ASAP3: variants seen among roughly 807,000 people sequenced by gnomAD.
ASAP3 encodes the protein arf-GAP with SH3 domain, ANK repeat and PH domain-containing protein 3.
ASAP3 carries 85 observed loss-of-function variants against 118.2 expected under a neutral mutation model. The observed-to-expected ratio is 0.72, with a 90% CI of 0.60 to 0.86. ASAP3 has a LOEUF of 0.86. Among genes scored for constraint, ASAP3 ranks in the 40% least tolerant of loss-of-function variants. The pLI, the probability that ASAP3 is intolerant of heterozygous loss-of-function variation, is 0.00. For synonymous variants in ASAP3, 432 were observed against 477.4 expected, an observed-to-expected ratio of 0.90 and a Z score of 1.24; for missense variants, 1,026 against 1,175.0, an observed-to-expected ratio of 0.87 and a Z score of 1.85.
In ASAP3 at chr1:23,433,424, C is replaced by T. The variant is rs764838561; in HGVS notation, c.2127+1G>A. The T allele has an allele frequency of 3.1e-6, 5 of 1,614,196 alleles. No individual in the cohort carries two copies. The highest frequency in any genetic ancestry group is 4.2e-6 in the Non-Finnish European group (5 of 1,180,040). ...GCCTGAGGGACAGGGCTGGGACCCA[C>T]CTTCTCTTCCTCATCCTCCTCACTG... On this transcript the variant is annotated splice_donor_variant, in intron 21 of 24. Coordinates refer to ENST00000336689, the MANE Select transcript of ASAP3 (RefSeq NM_017707.4). LOFTEE classifies it high-confidence loss of function.
At position 23,436,745 on chromosome 1, in the gene ASAP3, C is replaced by T; in HGVS notation, c.1477-91G>A. The T allele has an allele frequency of 6.4e-7, 1 of 1,565,546 alleles. No individual in the cohort carries two copies. Among genetic ancestry groups the T allele is most frequent in the South Asian group, 1.2e-5 (1 of 86,752 alleles). Reference sequence around the variant, plus strand: ...AGCTCCAAGCCCCCAGAGTCCCGCCCCTCGGCCGCCCTCCCGGTTCAGGCC... The same window carrying T: ...AGCTCCAAGCCCCCAGAGTCCCGCCTCTCGGCCGCCCTCCCGGTTCAGGCC... On this transcript the variant is annotated intron_variant, in intron 15 of 24. Coordinates refer to ENST00000336689, the MANE Select transcript of ASAP3 (RefSeq NM_017707.4). The surrounding 1 kb of genome is among the most constrained non-coding windows in gnomAD (Gnocchi z 4.2).
chr1:23,470,109 A>C (rs1178017996), intron 1 of ASAP3, among the ~76,000 whole-genome samples: 1 of 152,180 alleles, frequency 6.6e-6, no homozygotes, highest in African/African-American at 2.4e-5. Context: ...TCTGCCATTA[A>C]GCCCTCAGTG....
At chr1:23,446,797 C>A (rs1251714917) in intron 5 of ASAP3, among the ~76,000 whole-genome samples, 1 of 152,200 alleles carries the variant, frequency 6.6e-6, no homozygotes, top group Non-Finnish European at 1.5e-5. Context: ...CTGCATCCTT[C>A]TGCTCCATCC....
chr1:23,484,272 C>A (rs1330516548), upstream of ASAP3: 2 of 846,796 alleles, frequency 2.4e-6, no homozygotes, highest in Non-Finnish European at 3.1e-6. Flanking sequence ...CGCCCCCGAC[C>A]CTCCAGCCGC....
intron 1 of ASAP3, among the ~76,000 whole-genome samples, chr1:23,475,255 C>A (rs1435415159): frequency 6.6e-6 from 1 of 152,152 alleles, no homozygotes; most frequent in Non-Finnish European, 1.5e-5. Flanking sequence ...GCAATGGTGT[C>A]TAGTGTTCAG....
At chr1:23,464,676 A>T (rs1641707759) in intron 1 of ASAP3, among the ~76,000 whole-genome samples, 1 of 144,168 alleles carries the variant, frequency 6.9e-6, no homozygotes, top group African/African-American at 2.5e-5. Context: ...AAAAAAAAAA[A>T]AAAAAAAAAA....
At chr1:23,439,740 C>T (rs1077514) in intron 10 of ASAP3, among the ~76,000 whole-genome samples, 113,824 of 152,190 alleles carry the variant, frequency 0.75, 44,518 homozygotes, top group Middle Eastern at 0.89. Context: ...TATTCTTCTC[C>T]GATTAAACTG....
intron 24 of ASAP3, 119 bp downstream of exon 24, chr1:23,430,916 G>A: frequency 1.0e-6 from 1 of 967,374 alleles, no homozygotes; most frequent in Non-Finnish European, 1.5e-6. Context: ...GTGGCTGCCT[G>A]GGCCCATCTG....
intron 8 of ASAP3, 37 bp downstream of exon 8, chr1:23,441,618 G>A: frequency 6.2e-7 from 1 of 1,611,662 alleles, no homozygotes; most frequent in Admixed American, 1.7e-5. Context: ...AAGGACAGGG[G>A]GCTTGATCAC....
chr1:23,474,855 T>C (rs1642076370), intron 1 of ASAP3, among the ~76,000 whole-genome samples: 1 of 152,198 alleles, frequency 6.6e-6, no homozygotes, highest in African/African-American at 2.4e-5. Context: ...AGTGCTGGGA[T>C]TACGGGTGTG....
intron 23 of ASAP3, among the ~76,000 whole-genome samples, 155 bp from the exon 24 acceptor site, chr1:23,431,280 G>A (rs561556053): frequency 6.6e-6 from 1 of 152,358 alleles, no homozygotes; most frequent in South Asian, 2.1e-4. Flanking sequence ...GCCCAAGAAG[G>A]CTGGAACTGA....
At position 23,459,334 on chromosome 1, in the gene ASAP3, G is replaced by A. The variant is rs150206925; in HGVS notation, c.130-3140C>T. Among the ~76,000 whole-genome samples the A allele has an allele frequency of 6.2e-4, 94 of 152,252 alleles. 2 individuals are homozygous for A. Among genetic ancestry groups the A allele is most frequent in the African/African-American group, 2.2e-3 (90 of 41,550 alleles). On this transcript the variant is annotated intron_variant, in intron 1 of 24. Transcript: ENST00000336689. ...TGGGACATGGACCTGAGAGGAGTAT[G>A]TTCATGCTCTAGATACATTCTGAGG...
intron 1 of ASAP3, among the ~76,000 whole-genome samples, chr1:23,473,021 A>C (rs1248729984): frequency 6.6e-6 from 1 of 152,134 alleles, no homozygotes; most frequent in Non-Finnish European, 1.5e-5. Flanking sequence ...ACAGGTTGTC[A>C]ATCAACTTTT....
intron 1 of ASAP3, among the ~76,000 whole-genome samples, chr1:23,474,780 G>T (rs1260830779): frequency 6.6e-6 from 1 of 151,896 alleles, no homozygotes. Context: ...ACGGGGTTTC[G>T]CCATGTTGGC....
chr1:23,452,607 T>C (rs1196349527), intron 4 of ASAP3, 90 bp downstream of exon 4: 1 of 1,412,470 alleles, frequency 7.1e-7, no homozygotes, highest in African/African-American at 1.4e-5. Flanking sequence ...TCACCTGGCC[T>C]CCACCCTCAG....
chr1:23,462,173 G>A (rs1033271282), intron 1 of ASAP3, among the ~76,000 whole-genome samples: 6 of 151,760 alleles, frequency 4.0e-5, no homozygotes, highest in South Asian at 4.2e-4. Context: ...ATAGGCGCCC[G>A]CCACCACGCC....
rs1486552009 is a variant in ASAP3, at chr1:23,438,932, C to T, written c.1015-98G>A. ...ACTCTGTTAAATGGGCATAATCATC[C>T]TGTTCCATTTGTGTTTCTCCTCACC... is the stretch of plus-strand genomic sequence containing the variant. On this transcript the variant is annotated intron_variant, in intron 11 of 24. Transcript: ENST00000336689. This position sits in a 1 kb window ranked among gnomAD's most constrained non-coding sequence, Gnocchi z 4.9. 2.3e-6 allele frequency: 3 copies of T among 1,312,034 alleles called. No homozygotes were observed. In the East Asian group the frequency reaches 7.0e-5, roughly 31 times the overall value. 81.3% of individuals were successfully genotyped at this position (1,312,034 alleles called of 1,614,324 possible). A position where few individuals can be genotyped will look rare whatever the true frequency, so the allele number is the denominator to read the frequency against.
At chr1:23,461,673 C>CCA (rs199621318) in intron 1 of ASAP3, among the ~76,000 whole-genome samples, 35 of 146,444 alleles carry the variant, frequency 2.4e-4, no homozygotes, top group Middle Eastern at 7.6e-3. Flanking sequence ...ACGCACCCCC[C>CCA]CACAAAAAAA....
chr1:23,433,808 T>A, intron 19 of ASAP3, 115 bp from the exon 20 acceptor site: 1 of 1,385,038 alleles, frequency 7.2e-7, no homozygotes, highest in Non-Finnish European at 9.9e-7. Context: ...GCTCTGCCAT[T>A]TTCTGGCTAT....
Sources: gnomAD v4.1 joint callset for allele counts (sites outside exome capture counted in the v4.1 genomes callset) on GRCh38, gnomAD v4.1.1 for gene constraint, Gnocchi (gnomAD v3.1) non-coding constraint, MANE v1.5 for transcripts, NCBI Gene and HGNC (gene_info 2026-07-23, HGNC 2026-07-21) for gene names.